TMEM229B: variants seen among roughly 807,000 people sequenced by gnomAD.
The protein encoded by TMEM229B is chromosome 14 open reading frame 83.
Under a neutral mutation model 13.7 loss-of-function variants are expected in TMEM229B, and 6 were observed. The observed-to-expected ratio is 0.44, with a 90% CI of 0.24 to 0.86. The LOEUF (loss-of-function observed/expected upper bound fraction) is 0.86. Among genes scored for constraint, TMEM229B ranks in the 40% least tolerant of loss-of-function variants. The probability of loss-of-function intolerance (pLI) is 0.23; values close to 1 mark genes in which losing one functional copy is unlikely to be tolerated. For synonymous variants in TMEM229B, 107 were observed against 102.1 expected (o/e 1.05, Z -0.29); for missense variants, 170 against 236.0 (o/e 0.72, Z 1.83).
At chr14:67,503,897 T>C (rs2032712975) in intron 1 of TMEM229B, among the ~76,000 whole-genome samples, 1 of 151,754 alleles carries the variant, frequency 6.6e-6, no homozygotes, top group Non-Finnish European at 1.5e-5. Flanking sequence ...AGAGACAGGG[T>C]TTCACCATGT....
At position 67,497,863 on chromosome 14, in the gene TMEM229B, T is replaced by C. The variant is rs150963818; in HGVS notation, c.-191-10691A>G. On this transcript the variant is annotated intron_variant, in intron 1 of 2. Transcript: ENST00000357461. ...GTATGTTACATTCTCGGTGAGTCTA[T>C]GTAAAGGTTCAAGCATCTGACTGCA... Among the ~76,000 whole-genome samples the C allele has an allele frequency of 1.2e-3, 184 of 152,012 alleles. 3 individuals are homozygous for C. The East Asian group carries it at 0.026, about 21-fold the overall frequency.
upstream of TMEM229B, chr14:67,533,747 C>T (rs1056365588): frequency 6.6e-6 from 1 of 152,224 alleles, no homozygotes; most frequent in African/African-American, 2.4e-5. Context: ...CTTCCCGCAC[C>T]CCTCCCCATC....
intron 1 of TMEM229B, among the ~76,000 whole-genome samples, chr14:67,500,546 C>T (rs972347555): frequency 2.0e-5 from 3 of 151,208 alleles, no homozygotes; most frequent in Non-Finnish European, 4.4e-5. Context: ...TTCTGTGTTG[C>T]TTTTATGATT....
chr14:67,519,702 C>T (rs2033261238), upstream of TMEM229B, among the ~76,000 whole-genome samples: 1 of 146,944 alleles, frequency 6.8e-6, no homozygotes, highest in Non-Finnish European at 1.5e-5. Flanking sequence ...GACTCAGTGG[C>T]CCTGTAAGTT....
chr14:67,515,289 C>CCCCACGCCGCCTGGCACT (rs1457487854), exon 1 of TMEM229B: 2 of 153,404 alleles, frequency 1.3e-5, no homozygotes, highest in Non-Finnish European at 2.9e-5. Flanking sequence ...GCCGTGCCTC[C>CCCCACGCCGCCTGGCACT]CCCACGCCGC....
At chr14:67,481,983 G>A (rs1172035482) in intron 2 of TMEM229B, among the ~76,000 whole-genome samples, 3 of 152,218 alleles carry the variant, frequency 2.0e-5, no homozygotes, top group African/African-American at 7.2e-5. Context: ...TTGAATGCAG[G>A]AGGACAGAGT....
At chr14:67,521,023 T>A (rs972089344) in intron 1 of TMEM229B, among the ~76,000 whole-genome samples, 1 of 152,248 alleles carries the variant, frequency 6.6e-6, no homozygotes, top group Admixed American at 6.5e-5. Context: ...GTGTGGTATC[T>A]CATCGTTGTT....
chr14:67,528,637 A>C (rs1328061777), intron 1 of TMEM229B, among the ~76,000 whole-genome samples: 1 of 152,122 alleles, frequency 6.6e-6, no homozygotes, highest in African/African-American at 2.4e-5. Flanking sequence ...CTCCCAACTC[A>C]GGTGCTCTTT....
At chr14:67,477,439 G>T (rs972885122) in intron 2 of TMEM229B, among the ~76,000 whole-genome samples, 1 of 152,218 alleles carries the variant, frequency 6.6e-6, no homozygotes. Context: ...AGGTCCCAAG[G>T]CTTCTCTTCC....
upstream of TMEM229B, among the ~76,000 whole-genome samples, chr14:67,518,707 G>A (rs1271206438): frequency 1.3e-5 from 2 of 152,176 alleles, no homozygotes; most frequent in Non-Finnish European, 2.9e-5. Context: ...TCCCCCATAA[G>A]TAATTTTCTT....
chr14:67,507,688 A>G (rs1016722133), intron 1 of TMEM229B, among the ~76,000 whole-genome samples: 6 of 152,154 alleles, frequency 3.9e-5, no homozygotes, highest in African/African-American at 1.4e-4. Flanking sequence ...TCCTGTTTCC[A>G]TCTCCCAAAG....
chr14:67,522,173 A>G (rs575192484), intron 1 of TMEM229B, among the ~76,000 whole-genome samples: 1 of 152,282 alleles, frequency 6.6e-6, no homozygotes, highest in South Asian at 2.1e-4. Flanking sequence ...ACTCCGTCTC[A>G]AAACAAAACA....
chr14:67,493,764 A>G (rs2032258980), intron 1 of TMEM229B, among the ~76,000 whole-genome samples: 1 of 152,222 alleles, frequency 6.6e-6, no homozygotes, highest in Admixed American at 6.5e-5. Context: ...TGGAATGGCC[A>G]CAGAGACCAC....
chr14:67,525,608 A>G (rs879426473), intron 1 of TMEM229B, among the ~76,000 whole-genome samples: 2 of 152,206 alleles, frequency 1.3e-5, no homozygotes, highest in African/African-American at 2.4e-5. Context: ...GCGAAAGGAG[A>G]TTTGGAGTGG....
chr14:67,525,362 T>C (rs111839911), intron 1 of TMEM229B, among the ~76,000 whole-genome samples: 24 of 152,368 alleles, frequency 1.6e-4, no homozygotes, highest in African/African-American at 3.6e-4. Context: ...TTCTTCATCA[T>C]ACATTTTGAT....
chr14:67,476,956 T>C (rs1282668178), intron 2 of TMEM229B, among the ~76,000 whole-genome samples: 6 of 152,072 alleles, frequency 3.9e-5, no homozygotes, highest in Non-Finnish European at 8.8e-5. Context: ...TGAAACCCTG[T>C]CTCTACTAAA....
intron 1 of TMEM229B, among the ~76,000 whole-genome samples, chr14:67,525,400 G>A (rs192764819): frequency 6.6e-6 from 1 of 152,228 alleles, no homozygotes; most frequent in African/African-American, 2.4e-5. Flanking sequence ...TTTTCTAGAT[G>A]AATCATAATT....
upstream of TMEM229B, among the ~76,000 whole-genome samples, chr14:67,517,731 A>C (rs2033228969): frequency 6.6e-6 from 1 of 152,174 alleles, no homozygotes; most frequent in East Asian, 1.9e-4. Context: ...CTTACAATTG[A>C]CATATTTTCT....
At chr14:67,521,502 TTAAAA>T (rs1322344836) in intron 1 of TMEM229B, among the ~76,000 whole-genome samples, 8 of 152,196 alleles carry the variant, frequency 5.3e-5, no homozygotes, top group African/African-American at 1.4e-4. Flanking sequence ...CATAGAAGTC[TTAAAA>T]TAAAGTGTCT....
Sources: allele counts gnomAD v4.1 joint callset (sites outside exome capture counted in the v4.1 genomes callset), GRCh38; gene constraint gnomAD v4.1.1; transcripts MANE v1.5; gene names NCBI Gene and HGNC (gene_info 2026-07-23, HGNC 2026-07-21).